The following KCNQ1 variants were observed in gnomAD, a reference collection of about 807,000 sequenced individuals.
The protein encoded by KCNQ1 is potassium voltage-gated channel subfamily Q member 1.
A neutral mutation model predicts 72.4 loss-of-function variants in KCNQ1; 49 were observed. The ratio of observed to expected loss-of-function variants is 0.68; its 90% CI spans 0.54 to 0.86. The LOEUF (loss-of-function observed/expected upper bound fraction) is 0.86, where lower values mean the gene tolerates loss of function less well. KCNQ1 is among the 40% of genes least tolerant of loss of function. KCNQ1 has a pLI of 0.00. For missense variants in KCNQ1, 790 were observed against 945.1 expected, an observed-to-expected ratio of 0.84 and a Z score of 2.15; for synonymous variants, 450 against 412.6, an observed-to-expected ratio of 1.09 and a Z score of -1.10.
chr11:2,632,653 TTC>T, intron 10 of KCNQ1: 1 of 398,410 alleles, frequency 2.5e-6, no homozygotes, highest in Non-Finnish European at 4.4e-6. Flanking sequence ...CAAATATCAT[TTC>T]TCTGTTTTGT....
At chr11:2,696,456 C>T (rs1042310625) in intron 11 of KCNQ1, 11 of 398,540 alleles carry the variant, frequency 2.8e-5, no homozygotes, top group Admixed American at 4.4e-5. Flanking sequence ...GTCACCACAC[C>T]GCTCTGATTG....
chr11:2,720,889 C>A lies in KCNQ1; in HGVS notation c.1515-47955C>A, dbSNP rs188189724. On this transcript the variant is annotated intron_variant, in intron 11 of 15. Transcript: ENST00000155840. This position sits in a 1 kb window ranked among gnomAD's most constrained non-coding sequence, Gnocchi z 5.1. ...TTGGGGCCTGGCCTGGACCTCGAGG[C>A]CACTGGGGACTTGGCTACCTGAGGG... Among the ~76,000 whole-genome samples, 1 of 152,058 alleles carries A rather than the reference C, an allele frequency of 6.6e-6. No homozygotes were observed. Among genetic ancestry groups the A allele is most frequent in the African/African-American group, 2.4e-5 (1 of 41,384 alleles).
chr11:2,450,878 CT>C lies in KCNQ1; in HGVS notation c.386+5396del, dbSNP rs1172117551. 6.6e-6 allele frequency among the ~76,000 whole-genome samples: 1 copy of C among 152,186 alleles called. No homozygotes were observed. The highest frequency in any genetic ancestry group is 1.9e-4 in the East Asian group (1 of 5,190). ...GGCTTCTGCTGCCTGGCCCAGCCCTCTTCTGGGAGCCCCACGTGGGTGGGTG... is the reference window on the plus strand; with the variant it reads ...GGCTTCTGCTGCCTGGCCCAGCCCTCTCTGGGAGCCCCACGTGGGTGGGTG... On this transcript the variant is annotated intron_variant, in intron 1 of 15. Coordinates refer to ENST00000155840, the MANE Select transcript of KCNQ1 (RefSeq NM_000218.3). This position sits in a 1 kb window ranked among gnomAD's most constrained non-coding sequence, Gnocchi z 7.9.
chr11:2,689,215 G>A (rs1024904160), intron 11 of KCNQ1: 10 of 398,688 alleles, frequency 2.5e-5, no homozygotes, highest in Non-Finnish European at 3.1e-5. Flanking sequence ...TGACTTTGAT[G>A]CAGTGGTTTA....
chr11:2,832,343 G>T (rs889628792), intron 15 of KCNQ1, among the ~76,000 whole-genome samples: 1 of 152,184 alleles, frequency 6.6e-6, no homozygotes, highest in Non-Finnish European at 1.5e-5. Flanking sequence ...CTGGCAGGGT[G>T]GGGGCTTCCG....
chr11:2,581,752 T>A (rs1016588705), intron 6 of KCNQ1, among the ~76,000 whole-genome samples: 26 of 152,248 alleles, frequency 1.7e-4, no homozygotes. Context: ...CACGTGCACG[T>A]GTGGAGCATC....
At chr11:2,675,477 G>T in intron 11 of KCNQ1, 1 of 398,640 alleles carries the variant, frequency 2.5e-6, no homozygotes, top group Non-Finnish European at 4.4e-6. Context: ...ACATAAAAAC[G>T]TAAATATTTC....
rs117585698 is a variant in KCNQ1 at position 2,702,832 on chromosome 11, G to A, written c.1514+40751G>A. Among the ~76,000 whole-genome samples, 210 of 152,274 alleles carry A rather than the reference G, an allele frequency of 1.4e-3. 3 individuals are homozygous for A. In the East Asian group the frequency reaches 0.028, roughly 20 times the overall value. ...ATTGTTTGTGACCAGCTCACCAGAC[G>A]TGGTCAGGAAGGACAGTTCTGTGTC... On this transcript the variant is annotated intron_variant, in intron 11 of 15. Transcript: ENST00000155840.
At chr11:2,757,751 G>C (rs1031145830) in intron 11 of KCNQ1, among the ~76,000 whole-genome samples, 1 of 152,238 alleles carries the variant, frequency 6.6e-6, no homozygotes, top group Admixed American at 6.5e-5. Flanking sequence ...TCCAGAAATA[G>C]ACACACGCAA....
intron 1 of KCNQ1, among the ~76,000 whole-genome samples, chr11:2,455,216 G>T (rs971754135): frequency 2.0e-5 from 3 of 151,712 alleles, no homozygotes; most frequent in Admixed American, 2.0e-4. Context: ...TCCTGCCTCA[G>T]CCTCCCAAGT....
chr11:2,778,013 C>A lies in KCNQ1; in HGVS notation c.1770C>A (p.Ala590=), dbSNP rs1590082970. 4.3e-6 allele frequency: 7 copies of A among 1,613,734 alleles called. No homozygotes were observed. Among genetic ancestry groups the A allele is most frequent in the African/African-American group, 1.3e-5 (1 of 75,054 alleles). The stretch of plus-strand genomic sequence containing the variant: ...ATCGCGGCAGCAACACGATCGGCGC[C>A]CGCCTGAACCGAGTAGAAGACAAGG... ...SKDRGSNTIG[A]RLNRVEDKVT... Residue 590 remains alanine (A), a synonymous_variant, in exon 15 of 16, where the codon GCC becomes GCA. Transcript: ENST00000155840.
intron 2 of KCNQ1, among the ~76,000 whole-genome samples, chr11:2,569,093 T>C (rs572119386): frequency 9.9e-5 from 15 of 152,210 alleles, no homozygotes; most frequent in Admixed American, 9.2e-4. Context: ...ACCATGTTGA[T>C]CAGGCTGGTC....
At position 2,759,791 on chromosome 11, in the gene KCNQ1, G is replaced by T. The variant is rs1007381615; in HGVS notation, c.1515-9053G>T. On this transcript the variant is annotated intron_variant, in intron 11 of 15. Coordinates refer to ENST00000155840, the MANE Select transcript of KCNQ1 (RefSeq NM_000218.3). The surrounding 1 kb of genome is among the most constrained non-coding windows in gnomAD (Gnocchi z 4.4). ...ACAGAGGTCCTGGGAGGGGCTGAAG[G>T]CTCAGGGACACAGGTGAGGCCAGCC... Among the ~76,000 whole-genome samples the T allele has an allele frequency of 2.0e-5, 3 of 152,200 alleles. No individual in the cohort carries two copies. Among genetic ancestry groups the T allele is most frequent in the African/African-American group, 7.2e-5 (3 of 41,540 alleles).
intron 8 of KCNQ1, among the ~76,000 whole-genome samples, chr11:2,587,059 G>A (rs1199074700): frequency 6.6e-6 from 1 of 152,182 alleles, no homozygotes; most frequent in East Asian, 1.9e-4. Flanking sequence ...AGGTGGTATA[G>A]GCCTCTGGGA....
chr11:2,609,249 G>T (rs7104624), intron 10 of KCNQ1: 1 of 397,950 alleles, frequency 2.5e-6, no homozygotes, highest in African/African-American at 2.1e-5. Flanking sequence ...CTCAAAGTAC[G>T]TTCCATTTCC....
chr11:2,484,214 A>G lies in KCNQ1; in HGVS notation c.386+38730A>G, dbSNP rs996941672. On this transcript the variant is annotated intron_variant, in intron 1 of 15. Coordinates refer to ENST00000155840, the MANE Select transcript of KCNQ1 (RefSeq NM_000218.3). This position sits in a 1 kb window ranked among gnomAD's most constrained non-coding sequence, Gnocchi z 5.2. The stretch of plus-strand genomic sequence containing the variant: ...GGAGTTTTACTCTTGCACAGGCTGG[A>G]GTGCAGTGGCATGATCTCGGCTCAC... Among the ~76,000 whole-genome samples, 1 of 152,144 alleles carries G rather than the reference A, an allele frequency of 6.6e-6. No individual in the cohort carries two copies. Among genetic ancestry groups the G allele is most frequent in the Non-Finnish European group, 1.5e-5 (1 of 68,014 alleles).
intron 10 of KCNQ1, among the ~76,000 whole-genome samples, chr11:2,596,437 C>CA (rs1247735799): frequency 6.6e-6 from 1 of 152,014 alleles, no homozygotes. Context: ...GGAAGCAACC[C>CA]AAATACCCAT....
intron 1 of KCNQ1, among the ~76,000 whole-genome samples, chr11:2,448,381 C>T (rs866432381): frequency 2.0e-5 from 3 of 152,236 alleles, no homozygotes; most frequent in Non-Finnish European, 4.4e-5. Context: ...AGAACCCTCG[C>T]GGGTGCGTGT....
chr11:2,634,320 TCCCCC>T (rs1195451890), intron 10 of KCNQ1: 21 of 165,106 alleles, frequency 1.3e-4, no homozygotes, highest in Non-Finnish European at 1.9e-4. Flanking sequence ...CCCTCCCCCC[TCCCCC>T]CTCCCCCCCC....
Sources: gnomAD v4.1 joint callset for allele counts (sites outside exome capture counted in the v4.1 genomes callset) on GRCh38, gnomAD v4.1.1 for gene constraint, Gnocchi (gnomAD v3.1) non-coding constraint, MANE v1.5 for transcripts, NCBI Gene and HGNC (gene_info 2026-07-23, HGNC 2026-07-21) for gene names.